PKMYT1: variants seen among roughly 807,000 people sequenced by gnomAD.
PKMYT1 encodes protein kinase, membrane associated tyrosine/threonine 1, also known as membrane-associated tyrosine- and threonine-specific cdc2-inhibitory kinase.
A neutral mutation model predicts 49.7 loss-of-function variants in PKMYT1; 35 were observed. The ratio of observed to expected loss-of-function variants is 0.70; its 90% confidence interval spans 0.54 to 0.93. The LOEUF (loss-of-function observed/expected upper bound fraction) is 0.93. PKMYT1 is among the 40% of genes least tolerant of loss of function. PKMYT1 has a pLI of 0.00. For synonymous variants in PKMYT1, 331 were observed against 287.6 expected, an observed-to-expected ratio of 1.15 and a Z score of -1.53; for missense variants, 677 against 673.1, an observed-to-expected ratio of 1.01 and a Z score of -0.06.
At position 2,974,000 on chromosome 16, in the gene PKMYT1, C is replaced by G; in HGVS notation, c.1310G>C (p.Gly437Ala). The change falls in exon 7 of 9, where the codon GGG becomes GCG. Residue 437 changes from glycine (G) to alanine (A), a missense_variant and splice_region_variant. By Grantham distance (60) the Gly-to-Ala change is moderately conservative (BLOSUM62 0). Transcript: ENST00000262300. ...CCCCATACCCTGCACTTGAACCCAC[C>G]CTAGGCTGTCGTCATCCCAGTTGCT... Reference protein sequence around the residue: ...LSSNWDDDSLGPSLSPEAVLA... With the variant: ...LSSNWDDDSLAPSLSPEAVLA... The G allele has an allele frequency of 2.5e-6, 4 of 1,612,614 alleles. No individual in the cohort carries two copies. The highest frequency in any genetic ancestry group is 3.4e-6 in the Non-Finnish European group (4 of 1,179,850).
intron 1 of PKMYT1, 32 bp from the exon 2 acceptor site, chr16:2,979,944 G>A (rs769523724): frequency 2.2e-5 from 11 of 502,952 alleles, no homozygotes; most frequent in Non-Finnish European, 3.2e-5. Flanking sequence ...GGGCTGTCAC[G>A]AGGGAAGAGG....
Position 2,975,415 on chromosome 16 carries a change from C to T in PKMYT1, c.776G>A (p.Gly259Asp), listed in dbSNP as rs775942640. 1.9e-6 allele frequency: 3 copies of T among 1,613,140 alleles called. No individual in the cohort carries two copies. In the African/African-American group the frequency reaches 4.0e-5, roughly 22 times the overall value. The change falls in exon 4 of 9, where the codon GGT (glycine) becomes GAT (aspartate). Residue 259 changes from glycine to aspartate, a missense_variant. Physicochemically the swap from Gly to Asp is moderately conservative, Grantham distance 94. Coordinates refer to ENST00000262300, the MANE Select transcript of PKMYT1 (RefSeq NM_004203.5). ...LGDFGLLVEL[G>D]TAGAGEVQEG... ...CTGGACCTCACCAGCTCCTGCTGTA[C>T]CCAGCTCCACCAGCAGTCCGAAGTC...
rs900509476 is a variant in PKMYT1 at position 2,972,848 on chromosome 16, G to A, written c.*105C>T. The A allele has an allele frequency of 3.9e-6, 6 of 1,533,438 alleles. No individual in the cohort carries two copies. The highest frequency in any genetic ancestry group is 1.2e-5 in the South Asian group (1 of 83,340). 95.0% of individuals were successfully genotyped at this position (1,533,438 alleles called of 1,614,324 possible). On this transcript the variant is annotated 3_prime_UTR_variant, in exon 9 of 9. Coordinates refer to ENST00000262300, the MANE Select transcript of PKMYT1 (RefSeq NM_004203.5). ...GTTCAAATACTTTTTATTAGACACG[G>A]CCAGGCAGAGAAGACCATGGGAGTT...
Position 2,972,860 on chromosome 16 carries a change from A to G in PKMYT1, c.*93T>C. 6.5e-7 allele frequency: 1 copy of G among 1,532,268 alleles called. No homozygotes were observed. The highest frequency in any genetic ancestry group is 8.8e-7 in the Non-Finnish European group (1 of 1,132,916). The allele number at this position is 1,532,268 out of a possible 1,614,324, so 94.9% of individuals were successfully genotyped here. A position where few individuals can be genotyped will look rare whatever the true frequency, so the allele number is the denominator to read the frequency against. ...TTTATTAGACACGGCCAGGCAGAGA[A>G]GACCATGGGAGTTCCCGAGGGGCCC... is the stretch of plus-strand genomic sequence containing the variant. On this transcript the variant is annotated 3_prime_UTR_variant, in exon 9 of 9. Coordinates refer to ENST00000262300, the MANE Select transcript of PKMYT1 (RefSeq NM_004203.5).
chr16:2,977,624 G>T, intron 2 of PKMYT1: 1 of 397,862 alleles, frequency 2.5e-6, no homozygotes, highest in Non-Finnish European at 3.4e-6. Context: ...GGTGCCCAGG[G>T]CACACAGCAA....
chr16:2,973,891 T>A, intron 7 of PKMYT1, 109 bp downstream of exon 7: 1 of 1,236,358 alleles, frequency 8.1e-7, no homozygotes, highest in Non-Finnish European at 1.1e-6. Context: ...CAGGATGTGA[T>A]GGGGGCCAGG....
rs1472162098 is a variant in PKMYT1 at position 2,976,363 on chromosome 16, C to T, written c.378+301G>A. ...TCAGGGCCAGTGCCAGAGGCTGGGC[C>T]GACTCGCCAAGGACGCTGCACAGCT... On this transcript the variant is annotated intron_variant, in intron 3 of 8. Coordinates refer to ENST00000262300, the MANE Select transcript of PKMYT1 (RefSeq NM_004203.5). 2.0e-5 allele frequency among the ~76,000 whole-genome samples: 3 copies of T among 151,978 alleles called. No individual in the cohort carries two copies. In the East Asian group the frequency reaches 5.8e-4, roughly 29 times the overall value.
intron 3 of PKMYT1, chr16:2,976,183 T>C (rs768753916): frequency 8.4e-5 from 22 of 260,920 alleles, no homozygotes; most frequent in Non-Finnish European, 1.4e-4. Flanking sequence ...TTGTACTTTT[T>C]AACAAAATTG....
At chr16:2,975,963 A>G in intron 3 of PKMYT1, 151 bp from the exon 4 acceptor site, 1 of 830,586 alleles carries the variant, frequency 1.2e-6, no homozygotes, top group Non-Finnish European at 1.8e-6. Context: ...GCCCAGGGTA[A>G]TAACAAAACC....
intron 7 of PKMYT1, 147 bp from the exon 8 acceptor site, chr16:2,973,362 T>C: frequency 6.5e-7 from 1 of 1,542,320 alleles, no homozygotes; most frequent in Non-Finnish European, 8.7e-7. Flanking sequence ...TGGTGCACTC[T>C]GAAAGCAGCA....
rs148711686 is a variant in PKMYT1, at chr16:2,976,736, T to C, written c.306A>G (p.Pro102=). ...LQSPGYDPSR[P]ESFFQQSFQR... is the part of the protein sequence containing the mutation. ...GGAAGCTCTGCTGGAAGAAGGACTCTGGCCGGCTTGGGTCATACCCAGGGC... is the reference window on the plus strand; with the variant it reads ...GGAAGCTCTGCTGGAAGAAGGACTCCGGCCGGCTTGGGTCATACCCAGGGC... The change falls in exon 3 of 9, where the codon CCA becomes CCG. Residue 102 remains proline, a synonymous_variant. Transcript: ENST00000262300. 33 of 1,500,458 alleles carry C rather than the reference T, an allele frequency of 2.2e-5. No individual in the cohort carries two copies. The highest frequency in any genetic ancestry group is 8.4e-5 in the African/African-American group (6 of 71,406). The allele number at this position is 1,500,458 out of a possible 1,614,324, so 92.9% of individuals were successfully genotyped here.
chr16:2,977,370 T>TTGTTTTTAA, intron 2 of PKMYT1: 1 of 1,067,014 alleles, frequency 9.4e-7, no homozygotes, highest in South Asian at 3.8e-5. Context: ...GGCCAGCTCT[T>TTGTTTTTAA]TGATCCTAAA....
In PKMYT1 at chr16:2,973,864, G is replaced by C; in HGVS notation, c.1310+136C>G. On this transcript the variant is annotated intron_variant, in intron 7 of 8. Transcript: ENST00000262300. ...AGCCTGGCCAGGCCACACACCCCCA[G>C]TCTTGGTCCCCTTCCCCAGGATGTG... 4.0e-6 allele frequency: 4 copies of C among 993,762 alleles called. No individual in the cohort carries two copies. The South Asian group carries it at 6.4e-5, about 16-fold the overall frequency. The allele number at this position is 993,762 out of a possible 1,614,324, so 61.6% of individuals were successfully genotyped here. A position where few individuals can be genotyped will look rare whatever the true frequency, so the allele number is the denominator to read the frequency against.
At chr16:2,974,827 G>A in intron 4 of PKMYT1, 171 bp from the exon 5 acceptor site, 1 of 597,664 alleles carries the variant, frequency 1.7e-6, no homozygotes, top group Admixed American at 3.0e-5. Context: ...TGAACCCTGG[G>A]CAGGATGGGG....
chr16:2,975,820 G>A lies in PKMYT1; in HGVS notation c.379-8C>T. 6.3e-7 allele frequency: 1 copy of A among 1,582,056 alleles called. No homozygotes were observed. Among genetic ancestry groups the A allele is most frequent in the South Asian group, 1.1e-5 (1 of 88,460 alleles). On this transcript the variant is annotated splice_region_variant and splice_polypyrimidine_tract_variant and intron_variant, in intron 3 of 8. Coordinates refer to ENST00000262300, the MANE Select transcript of PKMYT1 (RefSeq NM_004203.5). Reference sequence around the variant, plus strand: ...GTCCTCCTTGGAGCGCACCTGGAAGGGAGGTGGTACCCACGCACACAGTGA... The same window carrying A: ...GTCCTCCTTGGAGCGCACCTGGAAGAGAGGTGGTACCCACGCACACAGTGA...
intron 1 of PKMYT1, 64 bp from the exon 2 acceptor site, chr16:2,979,976 G>T (rs2072298086): frequency 9.3e-6 from 4 of 431,182 alleles, no homozygotes; most frequent in African/African-American, 2.0e-5. Context: ...AAGAAGAGAG[G>T]CTGTCCCGGG....
At position 2,976,848 on chromosome 16, in the gene PKMYT1, C is replaced by T. The variant is rs762821895; in HGVS notation, c.194G>A (p.Arg65His). 16 of 1,544,054 alleles carry T rather than the reference C, an allele frequency of 1.0e-5. No homozygotes were observed. Among genetic ancestry groups the T allele is most frequent in the African/African-American group, 6.9e-5 (5 of 72,970 alleles). The change falls in exon 3 of 9, where the codon CGC (arginine) becomes CAC (histidine). Residue 65 changes from arginine to histidine, a missense_variant. Arg to His is a conservative substitution (Grantham distance 29). Transcript: ENST00000262300. The part of the protein sequence containing the change: ...PPAKGSIPIS[R>H]LFPPRTPGWH... ...GCCTGGGGTCCGAGGAGGGAAGAGG[C>T]GGCTGATGGGAATGCTGCCCTTGGC... is the stretch of plus-strand genomic sequence containing the variant.
Position 2,974,663 on chromosome 16 carries a change from G to A in PKMYT1, c.873-7C>T, listed in dbSNP as rs950767981. ...CAGGATGGTGAGGCCCAGACTGGCA[G>A]GGACGGGATGGGGACAGAAAGGGGC... On this transcript the variant is annotated splice_region_variant and splice_polypyrimidine_tract_variant and intron_variant, in intron 4 of 8. Transcript: ENST00000262300. 2.6e-6 allele frequency: 4 copies of A among 1,539,818 alleles called. No individual in the cohort carries two copies. The highest frequency in any genetic ancestry group is 1.7e-4 in the Middle Eastern group (1 of 5,810).
In PKMYT1 at chr16:2,976,685, G is replaced by A. The variant is rs982059062; in HGVS notation, c.357C>T (p.Gly119=). ...TCACCTTGAAGACCTCTCCGTAGGA[G>A]CCATGGCCCAGGCGGCTGAGCCTCT... ...SFQRLSRLGH[G]SYGEVFKVRS... The change falls in exon 3 of 9, where the codon GGC becomes GGT. Residue 119 remains glycine (G), a synonymous_variant. Transcript: ENST00000262300. 4 of 1,487,250 alleles carry A rather than the reference G, an allele frequency of 2.7e-6. No individual in the cohort carries two copies. The highest frequency in any genetic ancestry group is 3.6e-6 in the Non-Finnish European group (4 of 1,116,318). The allele number at this position is 1,487,250 out of a possible 1,614,324, so 92.1% of individuals were successfully genotyped here. A position where few individuals can be genotyped will look rare whatever the true frequency, so the allele number is the denominator to read the frequency against.
Sources: allele counts gnomAD v4.1 joint callset (sites outside exome capture counted in the v4.1 genomes callset), GRCh38; gene constraint gnomAD v4.1.1; transcripts MANE v1.5; gene names NCBI Gene and HGNC (gene_info 2026-07-23, HGNC 2026-07-21).